The following ADGRE1 variants were observed in gnomAD, a reference collection of about 807,000 sequenced individuals.
The protein encoded by ADGRE1 is adhesion G protein-coupled receptor E1.
A neutral mutation model predicts 102.7 loss-of-function variants in ADGRE1; 82 were observed. The observed-to-expected ratio is 0.80, with a 90% confidence interval of 0.67 to 0.96. The LOEUF is 0.96. Among genes scored for constraint, ADGRE1 ranks in the 40% least tolerant of loss-of-function variants. The pLI is 0.00. For missense variants in ADGRE1, 1,032 were observed against 1,085.3 expected (o/e 0.95, Z 0.69); for synonymous variants, 398 against 399.6 (o/e 1.00, Z 0.05).
In ADGRE1 at chr19:6,890,497, C is replaced by T. The variant is rs1973326012; in HGVS notation, c.48C>T (p.His16=). 4 of 1,579,414 alleles carry T rather than the reference C, an allele frequency of 2.5e-6. No homozygotes were observed. The highest frequency in any genetic ancestry group is 1.4e-5 in the African/African-American group (1 of 70,364). Residue 16 remains histidine, a synonymous_variant, in exon 2 of 21, where the codon CAC becomes CAT. Transcript: ENST00000312053. ...LLLFWGCCVM[H]SWEGHIRPTR... ...TCTTCACAGGATGTTGTGTTATGCACAGCTGGGAAGGGCACATAAGACCCA... is the reference window on the plus strand; with the variant it reads ...TCTTCACAGGATGTTGTGTTATGCATAGCTGGGAAGGGCACATAAGACCCA...
rs555665203 is a variant in ADGRE1, at chr19:6,897,301, A to G, written c.391A>G (p.Thr131Ala). The G allele has an allele frequency of 3.7e-5, 60 of 1,613,838 alleles. 1 individual carries two copies. The highest frequency in any genetic ancestry group is 2.1e-4 in the African/African-American group (16 of 74,924). The change falls in exon 4 of 21, where the codon ACT becomes GCT. Residue 131 changes from threonine (T) to alanine (A), a missense_variant. Thr to Ala is a moderately conservative substitution (Grantham distance 58). Coordinates refer to ENST00000312053, the MANE Select transcript of ADGRE1 (RefSeq NM_001974.5). ...AGGAAAGCCGGGCAATTTCTCCTGT[A>G]CTGGTAATGCTCTCAGGTTCCCAGG... is the stretch of plus-strand genomic sequence containing the variant. The part of the protein sequence containing the change: ...VPGKPGNFSC[T>A]DINECLTSSV...
chr19:6,911,385 G>GT lies in ADGRE1; in HGVS notation c.1123-2248dup, dbSNP rs772959056. ...TTTATTAGGTTCTGGATTCCTTTTAGTTTTTTTTTTTTTTTTTTTTGCTTG... is the reference window on the plus strand; with the variant it reads ...TTTATTAGGTTCTGGATTCCTTTTAGTTTTTTTTTTTTTTTTTTTTTGCTTG... On this transcript the variant is annotated intron_variant, in intron 10 of 20. Coordinates refer to ENST00000312053, the MANE Select transcript of ADGRE1 (RefSeq NM_001974.5). 6.5e-3 allele frequency among the ~76,000 whole-genome samples: 516 copies of GT among 79,834 alleles called. 35 individuals carry two copies. The highest frequency in any genetic ancestry group is 0.014 in the East Asian group (34 of 2,496). The allele number at this position is 79,834 out of a possible 152,430, so 52.4% of individuals were successfully genotyped here.
intron 18 of ADGRE1, among the ~76,000 whole-genome samples, chr19:6,935,755 G>A (rs1975376148): frequency 6.6e-6 from 1 of 152,172 alleles, no homozygotes; most frequent in Non-Finnish European, 1.5e-5. Context: ...CTGAAGAGTA[G>A]GTTGGACTGT....
rs536415710 is a variant in ADGRE1 at position 6,937,741 on chromosome 19, G to C, written c.2655+93G>C. 1.1e-3 allele frequency: 1,259 copies of C among 1,164,552 alleles called. 11 individuals carry two copies. The African/African-American group carries it at 0.015, about 14-fold the overall frequency. The allele number at this position is 1,164,552 out of a possible 1,614,324, so 72.1% of individuals were successfully genotyped here. On this transcript the variant is annotated intron_variant, in intron 20 of 20. Coordinates refer to ENST00000312053, the MANE Select transcript of ADGRE1 (RefSeq NM_001974.5). Reference sequence around the variant, plus strand: ...TCTGCCACGTGTTGGGTACTGAATGGGAGCTGAGGGTGCCCACCCTAGTTA... The same window carrying C: ...TCTGCCACGTGTTGGGTACTGAATGCGAGCTGAGGGTGCCCACCCTAGTTA...
rs1300845370 is a variant in ADGRE1, at chr19:6,902,252, T to G, written c.661+231T>G. 3.3e-5 allele frequency among the ~76,000 whole-genome samples: 5 copies of G among 152,218 alleles called. No individual in the cohort carries two copies. In the East Asian group the frequency reaches 5.8e-4, roughly 18 times the overall value. ...ATAACATCTCCAAATAACATCCCAC[T>G]GGGGCTTAGGGCTTCCATATAGGAA... On this transcript the variant is annotated intron_variant, in intron 6 of 20. Coordinates refer to ENST00000312053, the MANE Select transcript of ADGRE1 (RefSeq NM_001974.5).
Position 6,937,157 on chromosome 19 carries a change from G to C in ADGRE1, c.2382-86G>C. 2.0e-6 allele frequency: 3 copies of C among 1,476,450 alleles called. No individual in the cohort carries two copies. The Admixed American group carries it at 6.1e-5, about 30-fold the overall frequency. 91.5% of individuals were successfully genotyped at this position (1,476,450 alleles called of 1,614,324 possible). The stretch of plus-strand genomic sequence containing the variant: ...CACCTAGGTGGCAAATTGGAGAGTG[G>C]CCACCTCAGACCATTCCTGGAAGTG... On this transcript the variant is annotated intron_variant, in intron 18 of 20. Transcript: ENST00000312053.
intron 1 of ADGRE1, 24 bp from the exon 2 acceptor site, chr19:6,890,457 T>C: frequency 9.5e-7 from 1 of 1,049,556 alleles, no homozygotes; most frequent in South Asian, 2.0e-5. Context: ...TGGTTCATGG[T>C]GTTTTTCTTT....
At chr19:6,922,924 A>C (rs988551982) in intron 14 of ADGRE1, among the ~76,000 whole-genome samples, 3 of 151,824 alleles carry the variant, frequency 2.0e-5, no homozygotes, top group African/African-American at 7.3e-5. Context: ...AAAAATACAA[A>C]AAATTAGCCG....
chr19:6,934,883 A>G, intron 17 of ADGRE1, 104 bp from the exon 18 acceptor site: 1 of 635,312 alleles, frequency 1.6e-6, no homozygotes. Context: ...CTGGGATTAC[A>G]GACGTGAGCC....
At chr19:6,888,512 T>G (rs372466004) in intron 1 of ADGRE1, among the ~76,000 whole-genome samples, 1 of 152,328 alleles carries the variant, frequency 6.6e-6, no homozygotes, top group East Asian at 1.9e-4. Context: ...GGGGACATAT[T>G]CTAAGTAGCA....
At chr19:6,925,596 C>T (rs1360637333) in intron 15 of ADGRE1, among the ~76,000 whole-genome samples, 1 of 152,134 alleles carries the variant, frequency 6.6e-6, no homozygotes, top group African/African-American at 2.4e-5. Flanking sequence ...CCCAAGGCAG[C>T]CCTCCACGGC....
rs559669784 is a variant in ADGRE1 at position 6,905,011 on chromosome 19, T to G, written c.949+829T>G. 1.1e-4 allele frequency among the ~76,000 whole-genome samples: 17 copies of G among 151,834 alleles called. 1 individual carries two copies. The highest frequency in any genetic ancestry group is 1.0e-3 in the Admixed American group (16 of 15,240). ...GTGGCAGTAGACATATCTGATGAAG[T>G]GGACAGAGGTCAGATTCTGCAGGGT... On this transcript the variant is annotated intron_variant, in intron 8 of 20. Coordinates refer to ENST00000312053, the MANE Select transcript of ADGRE1 (RefSeq NM_001974.5).
intron 18 of ADGRE1, among the ~76,000 whole-genome samples, chr19:6,935,665 A>C (rs1284478588): frequency 1.3e-5 from 2 of 152,180 alleles, no homozygotes; most frequent in Non-Finnish European, 2.9e-5. Context: ...TACTGCCTTG[A>C]GCACCCTTGT....
At chr19:6,898,589 T>C (rs1973657045) in intron 5 of ADGRE1, 1 of 1,485,878 alleles carries the variant, frequency 6.7e-7, no homozygotes, top group Non-Finnish European at 9.3e-7. Context: ...TTTGCAAATA[T>C]CAGTGAGTCC....
rs373536611 is a variant in ADGRE1 at position 6,896,334 on chromosome 19, G to C, written c.95-64G>C. 1.5e-3 allele frequency: 2,249 copies of C among 1,545,848 alleles called. 59 individuals carry two copies. The South Asian group carries it at 0.025, about 17-fold the overall frequency. ...AGTCACCTCCACCCTTGTATGCTGG[G>C]TTCCCTTGCAGCCTCACTCTAATGC... On this transcript the variant is annotated intron_variant, in intron 2 of 20. Coordinates refer to ENST00000312053, the MANE Select transcript of ADGRE1 (RefSeq NM_001974.5).
At chr19:6,906,299 C>G in intron 8 of ADGRE1, 134 bp from the exon 9 acceptor site, 1 of 689,474 alleles carries the variant, frequency 1.5e-6, no homozygotes, top group Non-Finnish European at 2.5e-6. Flanking sequence ...GTGGTTTGTT[C>G]ATTTTCCCCC....
chr19:6,928,122 A>T lies in ADGRE1; in HGVS notation c.2223-23A>T, dbSNP rs768436091. The T allele has an allele frequency of 6.8e-6, 11 of 1,609,976 alleles. No homozygotes were observed. In the Admixed American group the frequency reaches 1.7e-4, roughly 25 times the overall value. On this transcript the variant is annotated intron_variant, in intron 16 of 20. Coordinates refer to ENST00000312053, the MANE Select transcript of ADGRE1 (RefSeq NM_001974.5). ...GGTCAGGACTCTGAGACAAGCGCTGACTCCTCCTATTTCTCTCCACAGCTG... is the reference window on the plus strand; with the variant it reads ...GGTCAGGACTCTGAGACAAGCGCTGTCTCCTCCTATTTCTCTCCACAGCTG...
At chr19:6,915,644 G>A (rs566937491) in intron 11 of ADGRE1, among the ~76,000 whole-genome samples, 20 of 152,118 alleles carry the variant, frequency 1.3e-4, no homozygotes, top group African/African-American at 3.1e-4. Flanking sequence ...ATATAAGGCC[G>A]GGGGCAGTGG....
chr19:6,931,614 A>G (rs921006424), intron 17 of ADGRE1, among the ~76,000 whole-genome samples: 1 of 152,182 alleles, frequency 6.6e-6, no homozygotes, highest in African/African-American at 2.4e-5. Context: ...CCTGGCCAAC[A>G]TGGCAAAACC....
Sources: gnomAD v4.1 joint callset for allele counts (sites outside exome capture counted in the v4.1 genomes callset) on GRCh38, gnomAD v4.1.1 for gene constraint, MANE v1.5 for transcripts, NCBI Gene and HGNC (gene_info 2026-07-23, HGNC 2026-07-21) for gene names.